Variants in ASIC2 observed in about 807,000 individuals in gnomAD.
ASIC2 encodes acid-sensing ion channel 2.
In ASIC2, 25 loss-of-function variants were observed where a neutral mutation model predicts 57.3. The ratio of observed to expected loss-of-function variants is 0.44; its 90% CI spans 0.32 to 0.61. ASIC2 has a LOEUF of 0.61. ASIC2 is among the 20% of genes least tolerant of loss of function. The pLI is 0.06. For missense variants in ASIC2, 641 were observed against 738.1 expected (o/e 0.87, Z 1.52); for synonymous variants, 319 against 307.5 (o/e 1.04, Z -0.39).
chr17:33,656,060 C>T lies in ASIC2; in HGVS notation c.555+499918G>A, dbSNP rs990287148. Among the ~76,000 whole-genome samples the T allele has an allele frequency of 3.3e-5, 5 of 151,992 alleles. No individual in the cohort carries two copies. In the East Asian group the frequency reaches 9.7e-4, roughly 29 times the overall value. On this transcript the variant is annotated intron_variant, in intron 1 of 9. Coordinates refer to the ASIC2 transcript ENST00000359872. ...CCCTTAGGATATCTGTAACATTTAC[C>T]CCAGAAGAGCCAGTCATGAGAGTCT...
intron 1 of ASIC2, among the ~76,000 whole-genome samples, chr17:33,234,541 T>G (rs1250425053): frequency 2.0e-5 from 3 of 152,230 alleles, no homozygotes; most frequent in Non-Finnish European, 2.9e-5. Flanking sequence ...TCTTGGATGC[T>G]AATTGTCTTG....
intron 1 of ASIC2, among the ~76,000 whole-genome samples, chr17:33,374,154 CCAAG>C (rs1272920422): frequency 6.6e-6 from 1 of 151,898 alleles, no homozygotes; most frequent in Non-Finnish European, 1.5e-5. Context: ...CACCACCCAA[CCAAG>C]CTAATTTTTG....
At chr17:33,736,160 C>T (rs9904942) in intron 1 of ASIC2, among the ~76,000 whole-genome samples, 20,374 of 151,888 alleles carry the variant, frequency 0.13, 1,449 homozygotes, top group African/African-American at 0.17. Flanking sequence ...CCTGTCTCAA[C>T]GGGTCTGCTG....
At chr17:34,031,799 AG>A (rs1266264078) in intron 1 of ASIC2, among the ~76,000 whole-genome samples, 4 of 152,178 alleles carry the variant, frequency 2.6e-5, no homozygotes, top group Non-Finnish European at 5.9e-5. Flanking sequence ...AAGCGAGAAG[AG>A]AAGTTTAGAG....
intron 1 of ASIC2, among the ~76,000 whole-genome samples, chr17:33,533,205 G>T (rs187112892): frequency 1.3e-4 from 20 of 152,202 alleles, no homozygotes; most frequent in Non-Finnish European, 1.3e-4. Flanking sequence ...AATTAGCCTG[G>T]TGTGGTGCCA....
chr17:34,004,227 G>A (rs1192926272), intron 1 of ASIC2: 3 of 152,302 alleles, frequency 2.0e-5, no homozygotes, highest in Non-Finnish European at 4.4e-5. Context: ...AAGGCTGTAA[G>A]TCTGTTTTAG....
chr17:33,701,223 A>G (rs920610095), intron 1 of ASIC2, among the ~76,000 whole-genome samples: 6 of 152,030 alleles, frequency 3.9e-5, no homozygotes, highest in African/African-American at 1.4e-4. Context: ...TCTGAGAAGT[A>G]TGTTGTGTGT....
At position 33,162,179 on chromosome 17, in the gene ASIC2, A is replaced by C. The variant is rs548702069; in HGVS notation, c.709-50112T>G. On this transcript the variant is annotated intron_variant, in intron 1 of 9. Coordinates refer to ENST00000225823, the MANE Select transcript of ASIC2 (RefSeq NM_183377.2). ...AGTCTTTTGTGAGAGCTTGGTTAAT[A>C]TGAGCCTCCACCCCATGCCTGCCCC... Among the ~76,000 whole-genome samples, 8 of 152,236 alleles carry C rather than the reference A, an allele frequency of 5.3e-5. No individual in the cohort carries two copies. In the East Asian group the frequency reaches 1.2e-3, roughly 22 times the overall value.
At chr17:33,935,418 A>G (rs1196488399) in intron 1 of ASIC2, 1 of 152,276 alleles carries the variant, frequency 6.6e-6, no homozygotes, top group African/African-American at 2.4e-5. Flanking sequence ...GCCCCAGAAC[A>G]TAGCAGAGAA....
At chr17:33,986,161 T>C in intron 1 of ASIC2, among the ~76,000 whole-genome samples, 1 of 152,092 alleles carries the variant, frequency 6.6e-6, no homozygotes, top group Non-Finnish European at 1.5e-5. Flanking sequence ...TTGCTTATTG[T>C]TTGTCTTTTC....
chr17:33,159,690 C>T (rs1411605885), intron 1 of ASIC2, among the ~76,000 whole-genome samples: 1 of 152,150 alleles, frequency 6.6e-6, no homozygotes, highest in East Asian at 1.9e-4. Flanking sequence ...CCTGGATCTT[C>T]CAATATGGGG....
At chr17:33,594,688 C>A (rs537888856) in intron 1 of ASIC2, among the ~76,000 whole-genome samples, 1 of 152,006 alleles carries the variant, frequency 6.6e-6, no homozygotes, top group Non-Finnish European at 1.5e-5. Flanking sequence ...ATTAGCCAGG[C>A]GTGCTGGCGG....
chr17:33,931,818 G>A (rs1915936584), intron 1 of ASIC2, among the ~76,000 whole-genome samples: 1 of 152,340 alleles, frequency 6.6e-6, no homozygotes, highest in African/African-American at 2.4e-5. Flanking sequence ...AGAGCGGGAG[G>A]TGGTGGAGTG....
At chr17:33,586,826 A>C (rs1904653967) in intron 1 of ASIC2, among the ~76,000 whole-genome samples, 2 of 152,072 alleles carry the variant, frequency 1.3e-5, no homozygotes, top group South Asian at 4.1e-4. Context: ...AGCATTTACC[A>C]CGATCTGCAA....
chr17:33,555,373 A>G (rs565993166), intron 1 of ASIC2, among the ~76,000 whole-genome samples: 17 of 152,196 alleles, frequency 1.1e-4, no homozygotes, highest in Non-Finnish European at 2.5e-4. Context: ...TCTTTTAAGA[A>G]TGATACTATT....
At chr17:33,433,943 G>A (rs1911511014) in intron 1 of ASIC2, among the ~76,000 whole-genome samples, 1 of 150,930 alleles carries the variant, frequency 6.6e-6, no homozygotes, top group African/African-American at 2.4e-5. Context: ...GTGGGGGTGG[G>A]GCACAGAGAA....
At chr17:33,686,496 A>G (rs1038822664) in intron 1 of ASIC2, among the ~76,000 whole-genome samples, 1 of 152,102 alleles carries the variant, frequency 6.6e-6, no homozygotes, top group Non-Finnish European at 1.5e-5. Flanking sequence ...AGCTGTGCTT[A>G]ATTTCTCTCT....
intron 1 of ASIC2, among the ~76,000 whole-genome samples, chr17:33,373,167 A>G (rs1909145788): frequency 6.6e-6 from 1 of 152,228 alleles, no homozygotes; most frequent in Non-Finnish European, 1.5e-5. Context: ...ATCCTATGGC[A>G]CTTATTTGAA....
chr17:34,057,126 T>C (rs950206012), intron 1 of ASIC2, among the ~76,000 whole-genome samples: 3 of 152,184 alleles, frequency 2.0e-5, no homozygotes, highest in South Asian at 2.1e-4. Context: ...ACTAAATTTA[T>C]GCCAGGCCCC....
Sources: allele counts gnomAD v4.1 joint callset (sites outside exome capture counted in the v4.1 genomes callset), GRCh38; gene constraint gnomAD v4.1.1; transcripts MANE v1.5; gene names NCBI Gene and HGNC (gene_info 2026-07-23, HGNC 2026-07-21).